CIB4: variants seen among roughly 807,000 people sequenced by gnomAD.
CIB4 encodes calcium and integrin binding family member 4.
In CIB4, 25 loss-of-function variants were observed where a neutral mutation model predicts 25.8. The observed-to-expected ratio is 0.97, with a 90% CI of 0.71 to 1.35. CIB4 has a LOEUF of 1.35. Among genes scored for constraint, CIB4 ranks in the 40% most tolerant of loss-of-function variants. The probability of loss-of-function intolerance (pLI) is 0.00; values close to 1 mark genes in which losing one functional copy is unlikely to be tolerated. For synonymous variants in CIB4, 75 were observed against 81.4 expected (o/e 0.92, Z 0.42); for missense variants, 235 against 228.2 (o/e 1.03, Z -0.19).
chr2:26,582,098 G>C (rs1210775038), intron 6 of CIB4, among the ~76,000 whole-genome samples: 1 of 152,226 alleles, frequency 6.6e-6, no homozygotes. Flanking sequence ...TCCTGCCCTG[G>C]TGCTGGCTGA....
Position 26,629,392 on chromosome 2 carries a change from C to T in CIB4, c.186+18G>A, listed in dbSNP as rs765259661. The T allele has an allele frequency of 1.3e-6, 2 of 1,536,258 alleles. No homozygotes were observed. Among genetic ancestry groups the T allele is most frequent in the South Asian group, 1.2e-5 (1 of 84,216 alleles). ...CCCACTGATGCTGCCCTTGCCCCAC[C>T]CACCATCCTGGACTCACCCGCAGAG... On this transcript the variant is annotated intron_variant, in intron 3 of 6. Coordinates refer to ENST00000288861, the MANE Select transcript of CIB4 (RefSeq NM_001029881.3).
chr2:26,615,613 G>A lies in CIB4; in HGVS notation c.186+13797C>T, dbSNP rs959575882. ...TTCCCCAACTTCCCAGGCTTTCCTCGCTACCTTCCTCACCTGTGGGAGGTG... is the reference window on the plus strand; with the variant it reads ...TTCCCCAACTTCCCAGGCTTTCCTCACTACCTTCCTCACCTGTGGGAGGTG... On this transcript the variant is annotated intron_variant, in intron 3 of 6. Coordinates refer to ENST00000288861, the MANE Select transcript of CIB4 (RefSeq NM_001029881.3). Among the ~76,000 whole-genome samples the A allele has an allele frequency of 3.3e-5, 5 of 152,164 alleles. No homozygotes were observed. In the East Asian group the frequency reaches 5.8e-4, roughly 18 times the overall value.
At chr2:26,611,838 G>T (rs1415300786) in intron 3 of CIB4, among the ~76,000 whole-genome samples, 2 of 152,080 alleles carry the variant, frequency 1.3e-5, no homozygotes, top group South Asian at 2.1e-4. Flanking sequence ...ACAAGAAAAA[G>T]CATTTATGCC....
intron 3 of CIB4, among the ~76,000 whole-genome samples, chr2:26,614,094 C>A (rs1669048234): frequency 6.6e-6 from 1 of 152,208 alleles, no homozygotes; most frequent in Non-Finnish European, 1.5e-5. Flanking sequence ...GCTTGGCCAG[C>A]ACCTCATTAG....
At chr2:26,604,273 G>C (rs908023506) in intron 3 of CIB4, among the ~76,000 whole-genome samples, 2 of 151,676 alleles carry the variant, frequency 1.3e-5, no homozygotes, top group Non-Finnish European at 2.9e-5. Flanking sequence ...CCAGCCACCT[G>C]GGAGGCTGAG....
chr2:26,617,858 C>T (rs917613740), intron 3 of CIB4, among the ~76,000 whole-genome samples: 6 of 152,192 alleles, frequency 3.9e-5, no homozygotes, highest in African/African-American at 9.6e-5. Flanking sequence ...TCCTCATCAA[C>T]GGACCAAACC....
chr2:26,606,426 T>C (rs1344794290), intron 3 of CIB4, among the ~76,000 whole-genome samples: 1 of 151,942 alleles, frequency 6.6e-6, no homozygotes, highest in Admixed American at 6.6e-5. Flanking sequence ...GAGGGAGATG[T>C]GGTGGAGGAT....
At chr2:26,606,704 G>T (rs1049940416) in intron 3 of CIB4, among the ~76,000 whole-genome samples, 1 of 152,102 alleles carries the variant, frequency 6.6e-6, no homozygotes, top group Non-Finnish European at 1.5e-5. Context: ...ATTTATTTAG[G>T]TGAATGCACT....
chr2:26,638,971 TA>T (rs112290509), intron 2 of CIB4, among the ~76,000 whole-genome samples: 343 of 138,066 alleles, frequency 2.5e-3, no homozygotes, highest in Middle Eastern at 7.2e-3. Context: ...CCCAAAAGCT[TA>T]AAAAAAAAAA....
chr2:26,602,153 T>C (rs1403988342), intron 3 of CIB4, among the ~76,000 whole-genome samples: 2 of 152,118 alleles, frequency 1.3e-5, no homozygotes, highest in Non-Finnish European at 2.9e-5. Context: ...TGATAGAGAA[T>C]CCAGGATGGA....
intron 4 of CIB4, among the ~76,000 whole-genome samples, chr2:26,585,943 C>T (rs1454220539): frequency 2.0e-5 from 3 of 152,100 alleles, no homozygotes; most frequent in Admixed American, 6.5e-5. Flanking sequence ...CAGGACTCTT[C>T]CAGCCACTCA....
chr2:26,627,757 C>T lies in CIB4; in HGVS notation c.186+1653G>A, dbSNP rs1030738543. 1.3e-5 allele frequency among the ~76,000 whole-genome samples: 2 copies of T among 152,106 alleles called. No homozygotes were observed. The highest frequency in any genetic ancestry group is 4.8e-5 in the African/African-American group (2 of 41,400). ...TCCCAGCTTCTCCCAGCTACCCCCA[C>T]CCACCTACCCACCCCTCACCCTTTC... On this transcript the variant is annotated intron_variant, in intron 3 of 6. Transcript: ENST00000288861. This position sits in a 1 kb window ranked among gnomAD's most constrained non-coding sequence, Gnocchi z 4.0.
At chr2:26,616,233 A>G (rs1669090236) in intron 3 of CIB4, among the ~76,000 whole-genome samples, 1 of 152,212 alleles carries the variant, frequency 6.6e-6, no homozygotes, top group African/African-American at 2.4e-5. Context: ...TGGGGGCCAC[A>G]TGGGGCAGCC....
chr2:26,604,162 T>C (rs144629445), intron 3 of CIB4, among the ~76,000 whole-genome samples: 1,843 of 152,164 alleles, frequency 0.012, 35 homozygotes, highest in African/African-American at 0.041. Context: ...GGAGGATCGC[T>C]TGAGCCCAGG....
chr2:26,617,579 G>A (rs1434175750), intron 3 of CIB4, among the ~76,000 whole-genome samples: 1 of 152,190 alleles, frequency 6.6e-6, no homozygotes, highest in Admixed American at 6.5e-5. Context: ...AACATTTGGG[G>A]TTGGAGAGTG....
At chr2:26,628,886 C>T (rs1403804022) in intron 3 of CIB4, among the ~76,000 whole-genome samples, 3 of 152,168 alleles carry the variant, frequency 2.0e-5, no homozygotes, top group Non-Finnish European at 4.4e-5. Flanking sequence ...AATGGTCCTG[C>T]AGGGGATCCT....
chr2:26,601,217 CAAAAA>C (rs142951418), intron 3 of CIB4, among the ~76,000 whole-genome samples: 145 of 23,632 alleles, frequency 6.1e-3, no homozygotes, highest in Middle Eastern at 0.018. Context: ...GAGACCATGT[CAAAAA>C]AAAAAAAAAA....
At chr2:26,591,087 T>C (rs554336531) in intron 4 of CIB4, among the ~76,000 whole-genome samples, 3 of 152,192 alleles carry the variant, frequency 2.0e-5, no homozygotes, top group Admixed American at 6.5e-5. Flanking sequence ...CAGGAAACCA[T>C]GGAAAGTCAG....
chr2:26,592,733 C>T (rs35698865), intron 4 of CIB4, among the ~76,000 whole-genome samples: 7,018 of 152,262 alleles, frequency 0.046, 242 homozygotes, highest in Non-Finnish European at 0.075. Flanking sequence ...TCAATTCTCT[C>T]GTTAAGCTCA....
Sources: gnomAD v4.1 joint callset for allele counts (sites outside exome capture counted in the v4.1 genomes callset) on GRCh38, gnomAD v4.1.1 for gene constraint, Gnocchi (gnomAD v3.1) non-coding constraint, MANE v1.5 for transcripts, NCBI Gene and HGNC (gene_info 2026-07-23, HGNC 2026-07-21) for gene names.